VIPR2: variants seen among roughly 807,000 people sequenced by gnomAD.
The protein encoded by VIPR2 is vasoactive intestinal peptide receptor 2.
A neutral mutation model predicts 58.0 loss-of-function variants in VIPR2; 48 were observed. That is an observed-to-expected ratio of 0.83 (90% confidence interval 0.66 to 1.05). VIPR2 has a LOEUF of 1.05. Ranked by LOEUF, VIPR2 falls within the 50% of genes least tolerant of loss-of-function variation. The pLI is 0.00. For synonymous variants in VIPR2, 243 were observed against 235.2 expected, an observed-to-expected ratio of 1.03 and a Z score of -0.30; for missense variants, 534 against 558.0, an observed-to-expected ratio of 0.96 and a Z score of 0.43.
At chr7:159,120,653 G>A (rs1340326216) in intron 2 of VIPR2, among the ~76,000 whole-genome samples, 1 of 152,210 alleles carries the variant, frequency 6.6e-6, no homozygotes, top group Non-Finnish European at 1.5e-5. Flanking sequence ...GAAGAGTGAA[G>A]GCCTCACGTT....
At chr7:159,103,220 TG>T (rs1000740906) in intron 4 of VIPR2, among the ~76,000 whole-genome samples, 1 of 152,190 alleles carries the variant, frequency 6.6e-6, no homozygotes, top group Non-Finnish European at 1.5e-5. Flanking sequence ...CAGCCCGGAT[TG>T]GGGGGTCCCC....
chr7:159,093,744 G>A lies in VIPR2; in HGVS notation c.357+10013C>T, dbSNP rs904851532. On this transcript the variant is annotated intron_variant, in intron 4 of 12. Transcript: ENST00000262178. The surrounding 1 kb of genome is among the most constrained non-coding windows in gnomAD (Gnocchi z 6.7). The stretch of plus-strand genomic sequence containing the variant: ...GTCCGGACATGGGAGACCCCGCAGC[G>A]TCCCTGGGTCCGGAGATGGGAGACC... Among the ~76,000 whole-genome samples, 19 of 151,896 alleles carry A rather than the reference G, an allele frequency of 1.3e-4. No individual in the cohort carries two copies. Among genetic ancestry groups the A allele is most frequent in the Middle Eastern group, 3.4e-3 (1 of 292 alleles).
chr7:159,094,346 C>G (rs1857694068), intron 4 of VIPR2, among the ~76,000 whole-genome samples: 1 of 152,172 alleles, frequency 6.6e-6, no homozygotes. Context: ...GCCCAAGGCC[C>G]AAGGAAAGTT....
At chr7:159,073,867 G>A (rs551533920) in intron 4 of VIPR2, among the ~76,000 whole-genome samples, 37 of 152,318 alleles carry the variant, frequency 2.4e-4, no homozygotes, top group Middle Eastern at 6.8e-3. Context: ...TAAGGGAGAC[G>A]TGGAACCTTT....
At chr7:159,122,403 T>C (rs1471912355) in intron 2 of VIPR2, among the ~76,000 whole-genome samples, 2 of 152,164 alleles carry the variant, frequency 1.3e-5, no homozygotes, top group Admixed American at 6.5e-5. Context: ...GAATCTCTCT[T>C]TGGGGTCTGG....
chr7:159,036,102 C>G (rs1341735624), intron 7 of VIPR2, 90 bp from the exon 8 acceptor site: 1 of 1,412,648 alleles, frequency 7.1e-7, no homozygotes. Context: ...CTCAAGGACA[C>G]GCTTTCTCAC....
chr7:159,104,679 G>A (rs2129495991), intron 3 of VIPR2, among the ~76,000 whole-genome samples: 1 of 145,354 alleles, frequency 6.9e-6, no homozygotes, highest in South Asian at 2.2e-4. Context: ...CCCTCCTCCT[G>A]ACAGCACCCT....
intron 4 of VIPR2, among the ~76,000 whole-genome samples, chr7:159,100,010 C>T (rs1858111082): frequency 6.6e-6 from 1 of 152,138 alleles, no homozygotes; most frequent in South Asian, 2.1e-4. Flanking sequence ...TGGAGCTGGG[C>T]CCCCAACACT....
chr7:159,121,283 G>A (rs1450188343), intron 2 of VIPR2, among the ~76,000 whole-genome samples: 1 of 152,034 alleles, frequency 6.6e-6, no homozygotes, highest in Non-Finnish European at 1.5e-5. Context: ...GCACGAGTCG[G>A]CTCCCAGGGC....
intron 4 of VIPR2, among the ~76,000 whole-genome samples, chr7:159,086,991 C>T (rs536222196): frequency 6.6e-6 from 1 of 152,320 alleles, no homozygotes; most frequent in South Asian, 2.1e-4. Flanking sequence ...CACACTCTGC[C>T]AGGATCCCCA....
Position 159,043,184 on chromosome 7 carries a change from G to T in VIPR2, c.456-8C>A, listed in dbSNP as rs1005747395. 1.2e-6 allele frequency: 2 copies of T among 1,608,782 alleles called. No individual in the cohort carries two copies. Among genetic ancestry groups the T allele is most frequent in the Non-Finnish European group, 1.7e-6 (2 of 1,176,990 alleles). ...CTGGTGCAGTGCAGCTTCCTGAGGTGGGGGAGTGGGAGAGAGAGGAATTGG... is the reference window on the plus strand; with the variant it reads ...CTGGTGCAGTGCAGCTTCCTGAGGTTGGGGAGTGGGAGAGAGAGGAATTGG... On this transcript the variant is annotated splice_region_variant and splice_polypyrimidine_tract_variant and intron_variant, in intron 5 of 12. Coordinates refer to ENST00000262178, the MANE Select transcript of VIPR2 (RefSeq NM_003382.5).
At chr7:159,118,150 G>C (rs892047527) in intron 2 of VIPR2, among the ~76,000 whole-genome samples, 1 of 152,144 alleles carries the variant, frequency 6.6e-6, no homozygotes, top group African/African-American at 2.4e-5. Context: ...TCCTGCTGGG[G>C]GGCTGCTGAA....
rs1409162363 is a variant in VIPR2, at chr7:159,095,635, C to T, written c.357+8122G>A. ...GCAAAAGGACTATTAAGAGGGAGAA[C>T]AGGAGTGTCACCGGAAGCCCCAGAC... On this transcript the variant is annotated intron_variant, in intron 4 of 12. Transcript: ENST00000262178. This position sits in a 1 kb window ranked among gnomAD's most constrained non-coding sequence, Gnocchi z 5.2. 2.0e-5 allele frequency among the ~76,000 whole-genome samples: 3 copies of T among 152,226 alleles called. 1 individual carries two copies. The highest frequency in any genetic ancestry group is 4.2e-4 in the South Asian group (2 of 4,812).
chr7:159,033,305 G>A (rs563031518), intron 10 of VIPR2, among the ~76,000 whole-genome samples: 19 of 152,204 alleles, frequency 1.2e-4, no homozygotes, highest in South Asian at 4.1e-4. Context: ...GGGAGAAAAG[G>A]GAAATGCAGG....
intron 4 of VIPR2, among the ~76,000 whole-genome samples, chr7:159,061,179 C>T (rs985267714): frequency 5.9e-5 from 9 of 152,062 alleles, no homozygotes; most frequent in Middle Eastern, 3.4e-3. Flanking sequence ...AAACACGGTA[C>T]TCAGGGAGGA....
chr7:159,034,202 C>T lies in VIPR2; in HGVS notation c.971+11G>A, dbSNP rs1289642448. 1 of 1,613,568 alleles carries T rather than the reference C, an allele frequency of 6.2e-7. No individual in the cohort carries two copies. Among genetic ancestry groups the T allele is most frequent in the Non-Finnish European group, 8.5e-7 (1 of 1,179,702 alleles). On this transcript the variant is annotated intron_variant, in intron 10 of 12. Transcript: ENST00000262178. ...CCCATCAGGGACGGCCAGGCCGGGA[C>T]ACACACTCACTTGTACTGAGACTGG...
At chr7:159,082,942 C>A (rs1856987015) in intron 4 of VIPR2, among the ~76,000 whole-genome samples, 1 of 152,194 alleles carries the variant, frequency 6.6e-6, no homozygotes, top group South Asian at 2.1e-4. Context: ...TAATTACATG[C>A]AAATGAGGCT....
At chr7:159,087,076 C>A (rs904881904) in intron 4 of VIPR2, among the ~76,000 whole-genome samples, 4 of 152,096 alleles carry the variant, frequency 2.6e-5, no homozygotes, top group South Asian at 4.2e-4. Context: ...CAAACAATAA[C>A]CACACTCTGC....
chr7:159,047,105 G>T (rs903096938), intron 5 of VIPR2, among the ~76,000 whole-genome samples: 1 of 152,060 alleles, frequency 6.6e-6, no homozygotes, highest in African/African-American at 2.4e-5. Context: ...CTTGGTGGTG[G>T]GTGCCTGTAA....
Sources: gnomAD v4.1 joint callset for allele counts (sites outside exome capture counted in the v4.1 genomes callset) on GRCh38, gnomAD v4.1.1 for gene constraint, Gnocchi (gnomAD v3.1) non-coding constraint, MANE v1.5 for transcripts, NCBI Gene and HGNC (gene_info 2026-07-23, HGNC 2026-07-21) for gene names.